USH1C: variants seen among roughly 807,000 people sequenced by gnomAD.
USH1C encodes harmonin.
USH1C carries 90 observed loss-of-function variants against 119.3 expected under a neutral mutation model. The ratio of observed to expected loss-of-function variants is 0.75; its 90% CI spans 0.64 to 0.90. USH1C has a LOEUF of 0.90. Among genes scored for constraint, USH1C ranks in the 40% least tolerant of loss-of-function variants. USH1C has a pLI of 0.00. For synonymous variants in USH1C, 465 were observed against 443.3 expected (o/e 1.05, Z -0.62); for missense variants, 1,165 against 1,167.7 (o/e 1.00, Z 0.03).
chr11:17,526,815 T>C lies in USH1C; in HGVS notation c.522-5A>G, dbSNP rs1850699743. 1.9e-6 allele frequency: 3 copies of C among 1,613,638 alleles called. No individual in the cohort carries two copies. Among genetic ancestry groups the C allele is most frequent in the Non-Finnish European group, 2.5e-6 (3 of 1,179,876 alleles). On this transcript the variant is annotated splice_polypyrimidine_tract_variant and splice_region_variant and intron_variant, in intron 6 of 26. Transcript: ENST00000005226. ...GTGAGGGGCTCATCAGGAGAGCTGA[T>C]GGGAAGGGAAAATAGATGGGAGGGT...
At chr11:17,516,455 C>T in intron 14 of USH1C, 165 bp from the exon 15 acceptor site, 2 of 728,678 alleles carry the variant, frequency 2.7e-6, no homozygotes, top group Non-Finnish European at 4.8e-6. Context: ...CTCGGCTTAC[C>T]TGGCCTTGCC....
At chr11:17,500,855 G>A (rs538506055) in intron 23 of USH1C, among the ~76,000 whole-genome samples, 196 bp downstream of exon 23, 34 of 152,282 alleles carry the variant, frequency 2.2e-4, no homozygotes, top group African/African-American at 7.5e-4. Flanking sequence ...ATCTGGCTTG[G>A]CTGTGTACTC....
intron 16 of USH1C, among the ~76,000 whole-genome samples, chr11:17,511,236 C>T (rs1305027677): frequency 6.6e-6 from 1 of 152,030 alleles, no homozygotes; most frequent in Non-Finnish European, 1.5e-5. Flanking sequence ...GGGGAGCAGC[C>T]TTAGACTGAT....
rs1446939433 is a variant in USH1C, at chr11:17,531,821, G to A, written c.105-279C>T. On this transcript the variant is annotated intron_variant, in intron 2 of 26. Coordinates refer to ENST00000005226, the MANE Select transcript of USH1C (RefSeq NM_153676.4). This position sits in a 1 kb window ranked among gnomAD's most constrained non-coding sequence, Gnocchi z 4.2. ...AAACTCAGCGCTGCCTATCTCGGCT[G>A]TTGGGATCTTTCCAGAGGGGAAAGC... 6.6e-6 allele frequency among the ~76,000 whole-genome samples: 1 copy of A among 152,200 alleles called. No individual in the cohort carries two copies. Among genetic ancestry groups the A allele is most frequent in the African/African-American group, 2.4e-5 (1 of 41,448 alleles).
intron 2 of USH1C, among the ~76,000 whole-genome samples, chr11:17,532,070 G>A (rs1464256980): frequency 6.6e-6 from 1 of 152,134 alleles, no homozygotes; most frequent in Non-Finnish European, 1.5e-5. Flanking sequence ...ACTGCCCAGA[G>A]GACAAAGTCC....
intron 11 of USH1C, 36 bp from the exon 12 acceptor site, chr11:17,522,962 G>A (rs781657359): frequency 7.5e-6 from 12 of 1,599,106 alleles, no homozygotes; most frequent in East Asian, 4.5e-5. Context: ...CTCAGCCCCC[G>A]GGGAACCTGG....
At chr11:17,527,097 C>G (rs1156559801) in intron 5 of USH1C, 57 bp from the exon 6 acceptor site, 21 of 1,332,750 alleles carry the variant, frequency 1.6e-5, no homozygotes, top group Non-Finnish European at 2.1e-5. Context: ...TCCCTCCCAC[C>G]GTCATGGAGT....
chr11:17,543,014 C>T (rs1215672744), intron 1 of USH1C, among the ~76,000 whole-genome samples: 1 of 152,230 alleles, frequency 6.6e-6, no homozygotes, highest in Non-Finnish European at 1.5e-5. Flanking sequence ...AAAGCTTGGC[C>T]TCAACACGCA....
intron 1 of USH1C, among the ~76,000 whole-genome samples, chr11:17,536,955 G>A (rs1270338868): frequency 1.3e-5 from 2 of 152,216 alleles, no homozygotes; most frequent in Admixed American, 1.3e-4. Context: ...TGCAAAGGGA[G>A]GGATCATTCT....
At chr11:17,515,716 A>G (rs963401) in intron 15 of USH1C, among the ~76,000 whole-genome samples, 109,441 of 152,198 alleles carry the variant, frequency 0.72, 39,403 homozygotes, top group South Asian at 0.81. Flanking sequence ...AGGTCCTAGA[A>G]ATTGGAAAAA....
At chr11:17,530,276 T>C (rs1850899816) in intron 4 of USH1C, among the ~76,000 whole-genome samples, 1 of 152,106 alleles carries the variant, frequency 6.6e-6, no homozygotes, top group Admixed American at 6.6e-5. Context: ...CAGGTAGGAG[T>C]GAGACCTGGA....
chr11:17,501,965 C>T lies in USH1C; in HGVS notation c.2200G>A (p.Glu734Lys). Residue 734 changes from glutamate (E) to lysine (K), a missense_variant, in exon 21 of 27, where the codon GAG becomes AAG. Glu to Lys is a moderately conservative substitution (Grantham distance 56, BLOSUM62 1). Coordinates refer to ENST00000005226, the MANE Select transcript of USH1C (RefSeq NM_153676.4). Reference protein sequence around the residue: ...TAFRQDFRKYEEGFDPYSMFT... With the variant: ...TAFRQDFRKYKEGFDPYSMFT... ...ATAGAGTAGGGGTCAAAGCCTTCCT[C>T]ATATTTCCGGAAATCCTGGAAGCAA... 6.2e-7 allele frequency: 1 copy of T among 1,613,826 alleles called. No individual in the cohort carries two copies. Among genetic ancestry groups the T allele is most frequent in the Admixed American group, 1.7e-5 (1 of 59,970 alleles).
rs752169312 is a variant in USH1C at position 17,529,777 on chromosome 11, G to A, written c.387+1377C>T. On this transcript the variant is annotated intron_variant, in intron 4 of 26. Coordinates refer to ENST00000005226, the MANE Select transcript of USH1C (RefSeq NM_153676.4). ...AGCGGCACAAAGGAGAGATGAACCC[G>A]TCAGCTAGAGAAAGGGCCGATAATT... Among the ~76,000 whole-genome samples the A allele has an allele frequency of 9.9e-5, 15 of 152,144 alleles. 1 individual carries two copies. The highest frequency in any genetic ancestry group is 1.8e-4 in the Non-Finnish European group (12 of 68,026).
At chr11:17,527,460 A>G (rs1850756503) in intron 4 of USH1C, 129 bp from the exon 5 acceptor site, 1 of 777,100 alleles carries the variant, frequency 1.3e-6, no homozygotes, top group African/African-American at 1.7e-5. Context: ...CCCTGGAATA[A>G]GCCTTGATCT....
intron 17 of USH1C, 141 bp from the exon 18 acceptor site, chr11:17,509,979 A>G (rs900471524): frequency 8.3e-6 from 9 of 1,086,762 alleles, no homozygotes; most frequent in Non-Finnish European, 5.1e-6. Flanking sequence ...ATGGGGCGCC[A>G]TTCCTCTGCC....
intron 15 of USH1C, among the ~76,000 whole-genome samples, chr11:17,513,367 T>G (rs951716345): frequency 5.9e-5 from 9 of 151,764 alleles, no homozygotes; most frequent in African/African-American, 1.9e-4. Flanking sequence ...TCTGGGGATC[T>G]GCTCTTGAAT....
rs1565064148 is a variant in USH1C at position 17,531,337 on chromosome 11, C to A, written c.249-45G>T. The A allele has an allele frequency of 6.2e-7, 1 of 1,614,054 alleles. No individual in the cohort carries two copies. Among genetic ancestry groups the A allele is most frequent in the Admixed American group, 1.7e-5 (1 of 60,028 alleles). On this transcript the variant is annotated intron_variant, in intron 3 of 26. Coordinates refer to ENST00000005226, the MANE Select transcript of USH1C (RefSeq NM_153676.4). The surrounding 1 kb of genome is among the most constrained non-coding windows in gnomAD (Gnocchi z 4.2). ...GGTGATGGTGCAGCTTGGCTGCCAG[C>A]ACTGCCCCGCCCAGGGTGATCTCTC...
chr11:17,499,239 C>G (rs11024310), intron 23 of USH1C, among the ~76,000 whole-genome samples: 9,190 of 152,242 alleles, frequency 0.06, 350 homozygotes, highest in Non-Finnish European at 0.081. Context: ...ATAGATCACC[C>G]AGGAGCCTTG....
At chr11:17,507,895 T>G (rs1056547412) in intron 18 of USH1C, among the ~76,000 whole-genome samples, 3 of 152,198 alleles carry the variant, frequency 2.0e-5, no homozygotes, top group African/African-American at 7.2e-5. Context: ...CAATCTTCAG[T>G]TAGAATGAAT....
Sources: allele counts gnomAD v4.1 joint callset (sites outside exome capture counted in the v4.1 genomes callset), GRCh38; gene constraint gnomAD v4.1.1; non-coding constraint Gnocchi (gnomAD v3.1); transcripts MANE v1.5; gene names NCBI Gene and HGNC (gene_info 2026-07-23, HGNC 2026-07-21).